POC1B: variants seen among roughly 807,000 people sequenced by gnomAD.
The protein encoded by POC1B is POC1 centriolar protein homolog B.
Under a neutral mutation model 60.6 loss-of-function variants are expected in POC1B, and 44 were observed. The observed-to-expected ratio is 0.73, with a 90% CI of 0.57 to 0.93. The LOEUF is 0.93. Ranked by LOEUF, POC1B falls within the 40% of genes least tolerant of loss-of-function variation. The probability of loss-of-function intolerance (pLI) is 0.00; values close to 1 mark genes in which losing one functional copy is unlikely to be tolerated. For synonymous variants in POC1B, 180 were observed against 198.9 expected (o/e 0.90, Z 0.80); for missense variants, 555 against 572.3 (o/e 0.97, Z 0.31).
At chr12:89,406,774 C>T in the POC1B span, among the ~76,000 whole-genome samples, 134,493 of 151,796 alleles carry the variant, frequency 0.89, 59,686 homozygotes, top group East Asian at 0.98. Flanking sequence ...TGGGAAACTA[C>T]ATGCCCGATA....
chr12:89,524,610 G>A, intron 2 of POC1B: 1 of 1,562,632 alleles, frequency 6.4e-7, no homozygotes, highest in Non-Finnish European at 8.8e-7. Flanking sequence ...GGGAAGGGCG[G>A]CGGAACCCAC....
At chr12:89,412,892 T>C in the POC1B span, among the ~76,000 whole-genome samples, 1 of 140,404 alleles carries the variant, frequency 7.1e-6, no homozygotes, top group Non-Finnish European at 1.5e-5. Flanking sequence ...TACTTCCTCC[T>C]TCCCTCCCTT....
chr12:89,424,379 G>A (rs1195092563), intron 11 of POC1B, among the ~76,000 whole-genome samples: 1 of 152,202 alleles, frequency 6.6e-6, no homozygotes, highest in African/African-American at 2.4e-5. Context: ...TTGAGAACCA[G>A]TTGGGTGATT....
chr12:89,414,332 G>A, the POC1B span, among the ~76,000 whole-genome samples: 2 of 152,296 alleles, frequency 1.3e-5, no homozygotes, highest in East Asian at 1.9e-4. Flanking sequence ...GTAGGAACAC[G>A]TTTGAGATTT....
intron 2 of POC1B, chr12:89,524,371 G>A: frequency 6.2e-7 from 1 of 1,614,040 alleles, no homozygotes; most frequent in African/African-American, 1.3e-5. Context: ...AAGCGGTCGA[G>A]ACAAATCCTC....
At chr12:89,484,634 G>A (rs989885399) in intron 4 of POC1B, among the ~76,000 whole-genome samples, 1 of 152,234 alleles carries the variant, frequency 6.6e-6, no homozygotes, top group African/African-American at 2.4e-5. Flanking sequence ...TTATATGAGA[G>A]CAGACTAATG....
chr12:89,430,902 T>G (rs1161691702), intron 10 of POC1B, among the ~76,000 whole-genome samples: 2 of 152,152 alleles, frequency 1.3e-5, no homozygotes, highest in Admixed American at 6.5e-5. Context: ...TTTGATAGTA[T>G]TTGAAGAGAA....
chr12:89,494,151 C>G (rs955053338), intron 3 of POC1B, among the ~76,000 whole-genome samples: 2 of 152,176 alleles, frequency 1.3e-5, no homozygotes, highest in African/African-American at 4.8e-5. Flanking sequence ...GAGCTCCTCC[C>G]TCCTCAGCCT....
chr12:89,455,268 G>A (rs1013490204), intron 10 of POC1B, among the ~76,000 whole-genome samples: 1 of 152,190 alleles, frequency 6.6e-6, no homozygotes, highest in African/African-American at 2.4e-5. Context: ...CCAGGAACTG[G>A]AGGCTGCAGT....
intron 10 of POC1B, among the ~76,000 whole-genome samples, chr12:89,455,159 C>A (rs957812084): frequency 6.6e-6 from 1 of 152,034 alleles, no homozygotes; most frequent in African/African-American, 2.4e-5. Flanking sequence ...CATGGTGAAA[C>A]CCTGTCTGTA....
rs752724094 is a variant in POC1B, at chr12:89,491,968, C to CA, written c.419dup (p.Leu140PhefsTer24). The CA allele has an allele frequency of 3.2e-6, 5 of 1,582,032 alleles. No individual in the cohort carries two copies. The East Asian group carries it at 9.0e-5, about 29-fold the overall frequency. ...AGCGTACCCAGTGTGTATGTCGATA[C>CA]AAGGAATACAGGAAGCGCTGGCGAT... On this transcript the variant is annotated frameshift_variant, in exon 4 of 12. Coordinates refer to ENST00000313546, the MANE Select transcript of POC1B (RefSeq NM_172240.3). LOFTEE classifies it high-confidence loss of function.
intron 7 of POC1B, 21 bp downstream of exon 7, chr12:89,470,340 C>T: frequency 1.5e-6 from 2 of 1,294,976 alleles, no homozygotes; most frequent in East Asian, 5.8e-5. Flanking sequence ...ATATAAAAAG[C>T]AAGAATCTGA....
intron 10 of POC1B, among the ~76,000 whole-genome samples, chr12:89,444,408 C>T (rs1005648769): frequency 9.2e-5 from 14 of 152,138 alleles, no homozygotes; most frequent in African/African-American, 2.2e-4. Flanking sequence ...TTATCCACCA[C>T]GATCAAGTTG....
intron 9 of POC1B, among the ~76,000 whole-genome samples, chr12:89,464,944 G>A (rs1241053568): frequency 6.6e-6 from 1 of 152,022 alleles, no homozygotes; most frequent in Non-Finnish European, 1.5e-5. Context: ...AAGCAGCCAT[G>A]CATGTTTACA....
intron 10 of POC1B, among the ~76,000 whole-genome samples, chr12:89,454,961 T>TA (rs1882192442): frequency 6.7e-6 from 1 of 148,936 alleles, no homozygotes; most frequent in African/African-American, 2.6e-5. Flanking sequence ...TTAGGCAACT[T>TA]AAAGATTCTA....
At chr12:89,481,039 CAGGGCCTAATTGTT>C (rs111848146) in intron 4 of POC1B, among the ~76,000 whole-genome samples, 44,041 of 148,092 alleles carry the variant, frequency 0.3, 6,853 homozygotes, top group Non-Finnish European at 0.35. Flanking sequence ...CCCTAATTGT[CAGGGCCTAATTGTT>C]AGGGCCTAAT....
chr12:89,443,356 A>T (rs1056435891), intron 10 of POC1B, among the ~76,000 whole-genome samples: 4 of 152,224 alleles, frequency 2.6e-5, no homozygotes, highest in African/African-American at 9.6e-5. Flanking sequence ...GTTGGAAGTA[A>T]AGCACAACTC....
chr12:89,414,177 G>A, the POC1B span, among the ~76,000 whole-genome samples: 30 of 152,270 alleles, frequency 2.0e-4, no homozygotes, highest in African/African-American at 6.7e-4. Context: ...ACAGGTGTGA[G>A]CCACCATGCC....
chr12:89,422,666 T>A (rs770377), intron 11 of POC1B, among the ~76,000 whole-genome samples: 53,432 of 152,088 alleles, frequency 0.35, 9,664 homozygotes, highest in Admixed American at 0.4. Flanking sequence ...ATTCCTGGAG[T>A]TTGCAAATGA....
Sources: allele counts gnomAD v4.1 joint callset (sites outside exome capture counted in the v4.1 genomes callset), GRCh38; gene constraint gnomAD v4.1.1; transcripts MANE v1.5; gene names NCBI Gene and HGNC (gene_info 2026-07-23, HGNC 2026-07-21).